The following ZNF503 variants were observed in gnomAD, a reference collection of about 807,000 sequenced individuals.
The protein encoded by ZNF503 is NocA-like zinc finger 2.
Under a neutral mutation model 34.4 loss-of-function variants are expected in ZNF503, and 15 were observed. That is an observed-to-expected ratio of 0.44 (90% confidence interval 0.29 to 0.67). ZNF503 has a LOEUF of 0.67. Among genes scored for constraint, ZNF503 ranks in the 30% least tolerant of loss-of-function variants. ZNF503 has a pLI of 0.13. For synonymous variants in ZNF503, 580 were observed against 456.8 expected (o/e 1.27, Z -3.44); for missense variants, 1,007 against 926.8 (o/e 1.09, Z -1.12).
chr10:75,401,086 C>G lies in ZNF503; in HGVS notation c.315+19G>C, dbSNP rs375964588. 6.2e-7 allele frequency: 1 copy of G among 1,613,598 alleles called. No homozygotes were observed. Among genetic ancestry groups the G allele is most frequent in the African/African-American group, 1.3e-5 (1 of 74,892 alleles). ...GCCAGGGTAGTGGTCCCAGTGCGATCCAGAGAGAGGGTCCTTACCTCGATG... is the reference window on the plus strand; with the variant it reads ...GCCAGGGTAGTGGTCCCAGTGCGATGCAGAGAGAGGGTCCTTACCTCGATG... On this transcript the variant is annotated intron_variant, in intron 1 of 1. Coordinates refer to ENST00000372524, the MANE Select transcript of ZNF503 (RefSeq NM_032772.6).
the ZNF503 span, among the ~76,000 whole-genome samples, chr10:75,372,203 A>C: frequency 6.6e-6 from 1 of 152,248 alleles, no homozygotes; most frequent in Non-Finnish European, 1.5e-5. Flanking sequence ...AAGTGCTGGG[A>C]TTACAGGCGT....
chr10:75,331,021 T>C, the ZNF503 span, among the ~76,000 whole-genome samples: 2 of 152,212 alleles, frequency 1.3e-5, no homozygotes, highest in East Asian at 1.9e-4. Flanking sequence ...CTGTATCCTA[T>C]AGGTTTTGAT....
At chr10:75,372,710 T>G in the ZNF503 span, among the ~76,000 whole-genome samples, 1 of 152,210 alleles carries the variant, frequency 6.6e-6, no homozygotes, top group African/African-American at 2.4e-5. Context: ...ATCAGGCTAA[T>G]GTACTGTGGG....
chr10:75,308,835 CTTCT>C, the ZNF503 span, among the ~76,000 whole-genome samples: 9 of 152,026 alleles, frequency 5.9e-5, no homozygotes, highest in East Asian at 1.9e-4. Flanking sequence ...TAAGTAGTTG[CTTCT>C]TTCTTTCTTT....
the ZNF503 span, among the ~76,000 whole-genome samples, chr10:75,329,423 C>CTTCCT: frequency 5.2e-3 from 415 of 80,148 alleles, 3 homozygotes; most frequent in African/African-American, 0.016. Flanking sequence ...CCTTTCCTTC[C>CTTCCT]TTCCTTCCTT....
chr10:75,285,806 G>A, the ZNF503 span, among the ~76,000 whole-genome samples: 3 of 152,338 alleles, frequency 2.0e-5, no homozygotes, highest in East Asian at 5.8e-4. Context: ...TTAGGCTGTA[G>A]CTGATGGCAA....
At chr10:75,363,602 G>C in the ZNF503 span, among the ~76,000 whole-genome samples, 1 of 152,148 alleles carries the variant, frequency 6.6e-6, no homozygotes, top group Non-Finnish European at 1.5e-5. Context: ...GCCCACCCAG[G>C]TCGCTGTGTA....
the ZNF503 span, among the ~76,000 whole-genome samples, chr10:75,311,400 C>T: frequency 0.018 from 2,699 of 152,270 alleles, 75 homozygotes; most frequent in African/African-American, 0.062. Context: ...ACTTTTCATC[C>T]TTCAATCCAA....
chr10:75,348,354 G>A, the ZNF503 span, among the ~76,000 whole-genome samples: 4 of 151,214 alleles, frequency 2.6e-5, no homozygotes, highest in Admixed American at 2.6e-4. Context: ...GGGCCACCGT[G>A]CCTGGCCTAA....
the ZNF503 span, among the ~76,000 whole-genome samples, chr10:75,363,513 G>A: frequency 1.5e-3 from 225 of 152,350 alleles, no homozygotes; most frequent in African/African-American, 5.2e-3. Context: ...ATATGTGTGT[G>A]TGCTGTCTGG....
the ZNF503 span, among the ~76,000 whole-genome samples, chr10:75,382,204 C>A: frequency 6.6e-6 from 1 of 152,070 alleles, no homozygotes; most frequent in Non-Finnish European, 1.5e-5. Context: ...ATGAGGGAGT[C>A]ATACTTTTTT....
downstream of ZNF503, among the ~76,000 whole-genome samples, chr10:75,394,578 C>G (rs917639256): frequency 6.6e-6 from 1 of 152,238 alleles, no homozygotes; most frequent in African/African-American, 2.4e-5. Flanking sequence ...TTCTAAATCA[C>G]AAGAAGTTCA....
chr10:75,380,766 A>G, the ZNF503 span, among the ~76,000 whole-genome samples: 8 of 152,174 alleles, frequency 5.3e-5, no homozygotes, highest in Non-Finnish European at 1.2e-4. Flanking sequence ...CCAAGAGACA[A>G]AGGGGAAAAA....
At chr10:75,389,053 A>G in the ZNF503 span, among the ~76,000 whole-genome samples, 1 of 152,212 alleles carries the variant, frequency 6.6e-6, no homozygotes, top group South Asian at 2.1e-4. Context: ...AGAACTGCTG[A>G]TGTGGAGCGT....
chr10:75,338,584 T>C, the ZNF503 span, among the ~76,000 whole-genome samples: 7 of 152,338 alleles, frequency 4.6e-5, no homozygotes, highest in South Asian at 1.5e-3. Context: ...TGGGCCTTGT[T>C]TCCCTGACCT....
the ZNF503 span, among the ~76,000 whole-genome samples, chr10:75,360,165 G>T: frequency 7.1e-6 from 1 of 140,272 alleles, no homozygotes; most frequent in Non-Finnish European, 1.5e-5. Flanking sequence ...CTGTCACCCA[G>T]GCTGGAGTGC....
chr10:75,329,580 G>A, the ZNF503 span, among the ~76,000 whole-genome samples: 12 of 151,872 alleles, frequency 7.9e-5, no homozygotes, highest in East Asian at 3.9e-4. Context: ...ATCCTCCTGC[G>A]TCAGCTTCCC....
the ZNF503 span, among the ~76,000 whole-genome samples, chr10:75,344,080 C>T: frequency 1.3e-5 from 2 of 152,220 alleles, no homozygotes; most frequent in African/African-American, 4.8e-5. Context: ...TAGCTGCCTC[C>T]TCAGCTTGGC....
chr10:75,399,846 C>T lies in ZNF503; in HGVS notation c.844G>A (p.Gly282Ser). The change falls in exon 2 of 2, where the codon GGC becomes AGC. Residue 282 changes from glycine (G) to serine (S), a missense_variant. Coordinates refer to ENST00000372524, the MANE Select transcript of ZNF503 (RefSeq NM_032772.6). ...ATCCCGCCGCCGCAGCTAATCCGGC[C>T]GTGTGCCAGCCCCGTGGGTCCCCCT... is the stretch of plus-strand genomic sequence containing the variant. ...AEGGPTGLAH[G>S]RISCGGGINV... 1 of 1,604,424 alleles carries T rather than the reference C, an allele frequency of 6.2e-7. No homozygotes were observed. Among genetic ancestry groups the T allele is most frequent in the Non-Finnish European group, 8.5e-7 (1 of 1,176,848 alleles).
Sources: gnomAD v4.1 joint callset for allele counts (sites outside exome capture counted in the v4.1 genomes callset) on GRCh38, gnomAD v4.1.1 for gene constraint, MANE v1.5 for transcripts, NCBI Gene and HGNC (gene_info 2026-07-23, HGNC 2026-07-21) for gene names.